The following INPP5D variants were observed in gnomAD, a reference collection of about 807,000 sequenced individuals.
INPP5D encodes the protein inositol polyphosphate-5-phosphatase D.
Under a neutral mutation model 122.9 loss-of-function variants are expected in INPP5D, and 33 were observed. The observed-to-expected ratio is 0.27, with a 90% CI of 0.20 to 0.36. The LOEUF (loss-of-function observed/expected upper bound fraction) is 0.36, where lower values mean the gene tolerates loss of function less well. INPP5D is among the 10% of genes least tolerant of loss of function. The probability of loss-of-function intolerance (pLI) is 1.00; values close to 1 mark genes in which losing one functional copy is unlikely to be tolerated. For missense variants in INPP5D, 1,053 were observed against 1,412.7 expected (o/e 0.75, Z 4.08); for synonymous variants, 584 against 576.2 (o/e 1.01, Z -0.19).
chr2:233,204,034 A>T (rs1163763007), intron 25 of INPP5D, 92 bp from the exon 26 acceptor site: 1 of 1,427,024 alleles, frequency 7.0e-7, no homozygotes, highest in Non-Finnish European at 9.2e-7. Context: ...CATTTGTATC[A>T]CCCCAAAGAA....
chr2:233,159,400 AC>A (rs1187653662), intron 10 of INPP5D, among the ~76,000 whole-genome samples: 2 of 152,152 alleles, frequency 1.3e-5, no homozygotes, highest in African/African-American at 4.8e-5. Context: ...TGTCTACAAA[AC>A]AAAAAAATTA....
At chr2:233,158,793 T>C (rs1694123904) in intron 10 of INPP5D, among the ~76,000 whole-genome samples, 1 of 152,098 alleles carries the variant, frequency 6.6e-6, no homozygotes, top group Admixed American at 6.5e-5. Context: ...ATTGACTGAC[T>C]GACTTGAGAC....
chr2:233,136,281 C>T (rs909926106), intron 5 of INPP5D, among the ~76,000 whole-genome samples: 1 of 152,068 alleles, frequency 6.6e-6, no homozygotes, highest in African/African-American at 2.4e-5. Context: ...AGTTCGAGAC[C>T]AGCCTGGCCA....
At chr2:233,173,852 G>C (rs946389929) in intron 17 of INPP5D, among the ~76,000 whole-genome samples, 2 of 152,080 alleles carry the variant, frequency 1.3e-5, no homozygotes, top group African/African-American at 4.8e-5. Flanking sequence ...AGAATCGCTT[G>C]AAACCTGGAA....
intron 22 of INPP5D, among the ~76,000 whole-genome samples, chr2:233,191,488 T>C (rs542960665): frequency 2.0e-4 from 31 of 152,296 alleles, no homozygotes; most frequent in African/African-American, 7.2e-4. Context: ...CTGGGTTAGA[T>C]GCAGTGCCGC....
chr2:233,070,862 A>C (rs1056972254), intron 1 of INPP5D, among the ~76,000 whole-genome samples: 1 of 152,238 alleles, frequency 6.6e-6, no homozygotes, highest in Non-Finnish European at 1.5e-5. Flanking sequence ...TCATGTTTTT[A>C]GCACAGTACT....
chr2:233,064,702 G>T (rs1189732567), intron 1 of INPP5D, among the ~76,000 whole-genome samples: 1 of 152,178 alleles, frequency 6.6e-6, no homozygotes, highest in Non-Finnish European at 1.5e-5. Flanking sequence ...GAGAAACAGA[G>T]ACCATAAGGT....
At chr2:233,084,212 C>G (rs755764916) in intron 2 of INPP5D, among the ~76,000 whole-genome samples, 1 of 152,288 alleles carries the variant, frequency 6.6e-6, no homozygotes, top group South Asian at 2.1e-4. Context: ...CACCACTATG[C>G]CCAGCTAAAT....
Position 233,122,195 on chromosome 2 carries a change from A to G in INPP5D, c.287A>G (p.His96Arg), listed in dbSNP as rs1461090181. ...YKKENMGLVT[H>R]LQYPVPLEEE... ...AAGGAAAACATGGGGCTGGTGACCC[A>G]TCTGCAATACCCTGTGCCGCTGGAG... Residue 96 changes from histidine to arginine, a missense_variant, in exon 3 of 27, where the codon CAT (histidine) becomes CGT (arginine). This residue lies in a region of INPP5D where 74 missense variants were observed against 146.6 expected (regional missense o/e 0.50). Transcript: ENST00000445964. The G allele has an allele frequency of 6.2e-7, 1 of 1,613,852 alleles. No individual in the cohort carries two copies. The highest frequency in any genetic ancestry group is 1.3e-5 in the African/African-American group (1 of 74,920).
At chr2:233,186,313 C>T (rs1023076026) in intron 21 of INPP5D, among the ~76,000 whole-genome samples, 5 of 152,212 alleles carry the variant, frequency 3.3e-5, no homozygotes, top group East Asian at 1.9e-4. Flanking sequence ...CCCTCTTTGA[C>T]GCTTGTTTTC....
rs370695030 is a variant in INPP5D, at chr2:233,070,729, C to T, written c.135-8606C>T. On this transcript the variant is annotated intron_variant, in intron 1 of 26. Transcript: ENST00000445964. Reference sequence around the variant, plus strand: ...GTGCTGGGATTACAGGCGTGAGCCACCGCGCCCGGCCAGGATCCAGCAGTT... The same window carrying T: ...GTGCTGGGATTACAGGCGTGAGCCATCGCGCCCGGCCAGGATCCAGCAGTT... 2.1e-3 allele frequency among the ~76,000 whole-genome samples: 321 copies of T among 152,236 alleles called. 2 individuals are homozygous for T. Among genetic ancestry groups the T allele is most frequent in the African/African-American group, 7.5e-3 (312 of 41,532 alleles).
chr2:233,084,898 C>T (rs1440953912), intron 2 of INPP5D, among the ~76,000 whole-genome samples: 1 of 152,254 alleles, frequency 6.6e-6, no homozygotes, highest in Non-Finnish European at 1.5e-5. Context: ...TGACACTCAC[C>T]TTCTAGAAGC....
In INPP5D at chr2:233,206,711, C is replaced by A. The variant is rs187622749; in HGVS notation, c.*3C>A. 4,149 of 772,318 alleles carry A rather than the reference C, an allele frequency of 5.4e-3. 41 individuals carry two copies. Among genetic ancestry groups the A allele is most frequent in the Middle Eastern group, 0.014 (64 of 4,424 alleles). The allele number at this position is 772,318 out of a possible 1,614,324, so 47.8% of individuals were successfully genotyped here. A position where few individuals can be genotyped will look rare whatever the true frequency, so the allele number is the denominator to read the frequency against. On this transcript the variant is annotated 3_prime_UTR_variant, in exon 27 of 27. Transcript: ENST00000445964. The surrounding 1 kb of genome is among the most constrained non-coding windows in gnomAD (Gnocchi z 4.0). ...CTTCTGTTCTTGTCCCACAGTGAAGCCCTCAGTGAGCTGCCACTGAGTCGG... is the reference window on the plus strand; with the variant it reads ...CTTCTGTTCTTGTCCCACAGTGAAGACCTCAGTGAGCTGCCACTGAGTCGG...
chr2:233,157,035 A>G (rs1694072249), intron 9 of INPP5D, among the ~76,000 whole-genome samples: 2 of 152,228 alleles, frequency 1.3e-5, no homozygotes, highest in Non-Finnish European at 2.9e-5. Flanking sequence ...ATGATGGAAC[A>G]AGGTTCCAGA....
intron 9 of INPP5D, among the ~76,000 whole-genome samples, chr2:233,155,430 C>T (rs1053975698): frequency 6.6e-5 from 10 of 152,018 alleles, no homozygotes; most frequent in Non-Finnish European, 1.3e-4. Context: ...CAAGACCAGC[C>T]TGGCCAACAT....
intron 1 of INPP5D, among the ~76,000 whole-genome samples, chr2:233,061,178 C>A (rs953060755): frequency 7.2e-5 from 11 of 152,152 alleles, no homozygotes; most frequent in African/African-American, 2.7e-4. Context: ...CACCAGCGAG[C>A]AGCCTCTTCT....
chr2:233,170,666 G>A lies in INPP5D; in HGVS notation c.1900+62G>A. On this transcript the variant is annotated intron_variant, in intron 16 of 26. Transcript: ENST00000445964. This position sits in a 1 kb window ranked among gnomAD's most constrained non-coding sequence, Gnocchi z 4.5. Reference sequence around the variant, plus strand: ...CACCTGTAATCCCAGCACTTTAGGAGGCCGAGGCGGGCGGATCACGAGATC... The same window carrying A: ...CACCTGTAATCCCAGCACTTTAGGAAGCCGAGGCGGGCGGATCACGAGATC... 6.3e-7 allele frequency: 1 copy of A among 1,582,658 alleles called. No homozygotes were observed. The highest frequency in any genetic ancestry group is 2.3e-5 in the East Asian group (1 of 43,476).
In INPP5D at chr2:233,188,622, T is replaced by G. The variant is rs898124978; in HGVS notation, c.2359-1228T>G. ...TGTTGCCCAGGCTGGAGTGCAGTGG[T>G]GCCATCTCGGCTCACTGCAACCTCC... is the stretch of plus-strand genomic sequence containing the variant. On this transcript the variant is annotated intron_variant, in intron 21 of 26. Coordinates refer to ENST00000445964, the MANE Select transcript of INPP5D (RefSeq NM_001017915.3). The surrounding 1 kb of genome is among the most constrained non-coding windows in gnomAD (Gnocchi z 4.7). 4.9e-4 allele frequency among the ~76,000 whole-genome samples: 74 copies of G among 152,210 alleles called. No individual in the cohort carries two copies. Among genetic ancestry groups the G allele is most frequent in the African/African-American group, 1.6e-3 (68 of 41,534 alleles).
intron 2 of INPP5D, among the ~76,000 whole-genome samples, chr2:233,092,722 G>A (rs1553570736): frequency 1.3e-5 from 2 of 152,192 alleles, no homozygotes; most frequent in Non-Finnish European, 2.9e-5. Context: ...AACATTGAAC[G>A]TGGGAGGTGG....
Sources: gnomAD v4.1 joint callset for allele counts (sites outside exome capture counted in the v4.1 genomes callset) on GRCh38, gnomAD v4.1.1 for gene constraint, gnomAD v4.1.1 regional missense constraint, Gnocchi (gnomAD v3.1) non-coding constraint, MANE v1.5 for transcripts, NCBI Gene and HGNC (gene_info 2026-07-23, HGNC 2026-07-21) for gene names.